Variants in SIK3 observed in about 807,000 individuals in gnomAD.
SIK3 encodes SIK family kinase 3, also known as serine/threonine-protein kinase SIK3.
Under a neutral mutation model 144.2 loss-of-function variants are expected in SIK3, and 28 were observed. The ratio of observed to expected loss-of-function variants is 0.19; its 90% CI spans 0.14 to 0.27. The LOEUF is 0.27. Ranked by LOEUF, SIK3 falls within the 10% of genes least tolerant of loss-of-function variation. SIK3 has a pLI of 1.00. For synonymous variants in SIK3, 686 were observed against 676.3 expected, an observed-to-expected ratio of 1.01 and a Z score of -0.22; for missense variants, 1,319 against 1,776.0, an observed-to-expected ratio of 0.74 and a Z score of 4.62.
chr11:117,056,410 GAT>G (rs1953523109), intron 1 of SIK3, among the ~76,000 whole-genome samples: 1 of 152,000 alleles, frequency 6.6e-6, no homozygotes, highest in South Asian at 2.1e-4. Flanking sequence ...AGCATTAGGA[GAT>G]ATACCTTATG....
chr11:117,008,324 T>C (rs1343828732), intron 1 of SIK3, among the ~76,000 whole-genome samples: 1 of 152,134 alleles, frequency 6.6e-6, no homozygotes, highest in Non-Finnish European at 1.5e-5. Flanking sequence ...TTCCATTTCA[T>C]AGCTGGGGAA....
intron 3 of SIK3, among the ~76,000 whole-genome samples, chr11:116,942,997 T>C (rs1948394959): frequency 6.6e-6 from 1 of 152,148 alleles, no homozygotes; most frequent in Non-Finnish European, 1.5e-5. Flanking sequence ...CAAGACATGA[T>C]GGTGGCTTAG....
intron 1 of SIK3, among the ~76,000 whole-genome samples, chr11:117,008,281 C>T (rs989748499): frequency 2.6e-5 from 4 of 152,048 alleles, no homozygotes; most frequent in Non-Finnish European, 4.4e-5. Context: ...CTGATTTAAT[C>T]CCCACAAGAA....
At chr11:117,095,729 C>G (rs535883191) in intron 1 of SIK3, among the ~76,000 whole-genome samples, 67 of 152,326 alleles carry the variant, frequency 4.4e-4, no homozygotes, top group African/African-American at 1.5e-3. Context: ...GTGACAACTC[C>G]TTGTGAATTA....
intron 1 of SIK3, among the ~76,000 whole-genome samples, chr11:117,076,248 G>A (rs1259229013): frequency 6.6e-6 from 1 of 152,046 alleles, no homozygotes; most frequent in Non-Finnish European, 1.5e-5. Flanking sequence ...GGCCTGTTGA[G>A]GATCCATTCC....
At chr11:116,853,461 G>A (rs1013540314) in intron 21 of SIK3, among the ~76,000 whole-genome samples, 4 of 152,176 alleles carry the variant, frequency 2.6e-5, no homozygotes, top group Admixed American at 6.5e-5. Flanking sequence ...ATGATCGTCC[G>A]ATCACACAAG....
intron 1 of SIK3, among the ~76,000 whole-genome samples, chr11:116,999,435 A>G (rs1167138016): frequency 6.6e-6 from 1 of 152,248 alleles, no homozygotes; most frequent in Admixed American, 6.5e-5. Context: ...CAGGGCAATC[A>G]TCAATGACAA....
At chr11:116,859,992 A>G (rs894650143) in intron 19 of SIK3, among the ~76,000 whole-genome samples, 1 of 152,200 alleles carries the variant, frequency 6.6e-6, no homozygotes, top group Non-Finnish European at 1.5e-5. Flanking sequence ...TCACACCTGT[A>G]ATCCCAGCAC....
At chr11:117,062,190 A>C (rs1953825633) in intron 1 of SIK3, among the ~76,000 whole-genome samples, 1 of 151,978 alleles carries the variant, frequency 6.6e-6, no homozygotes, top group Non-Finnish European at 1.5e-5. Context: ...CCAGGCGTGA[A>C]CTCCACTGTG....
intron 6 of SIK3, among the ~76,000 whole-genome samples, chr11:116,885,455 C>T (rs1944762835): frequency 6.6e-6 from 1 of 152,104 alleles, no homozygotes. Flanking sequence ...GAAATCCTGG[C>T]CTAAAGGGTA....
intron 1 of SIK3, among the ~76,000 whole-genome samples, chr11:117,030,468 G>T (rs1952209841): frequency 6.6e-6 from 1 of 152,076 alleles, no homozygotes; most frequent in Admixed American, 6.6e-5. Context: ...AAATACTCAT[G>T]ATATTGAGTA....
intron 4 of SIK3, among the ~76,000 whole-genome samples, chr11:116,906,416 G>T (rs1489199997): frequency 6.6e-6 from 1 of 152,122 alleles, no homozygotes. Flanking sequence ...CTGAGAAACT[G>T]AATTATAGTA....
chr11:116,946,894 T>C (rs1341296936), intron 3 of SIK3, among the ~76,000 whole-genome samples: 1 of 151,822 alleles, frequency 6.6e-6, no homozygotes, highest in African/African-American at 2.4e-5. Flanking sequence ...GGCGGGCAGA[T>C]CACAAGGTCA....
intron 1 of SIK3, among the ~76,000 whole-genome samples, chr11:117,060,504 G>A (rs1953744889): frequency 1.3e-5 from 2 of 152,028 alleles, no homozygotes; most frequent in Middle Eastern, 3.4e-3. Context: ...GGCTGAGGGA[G>A]GAGAATCGCT....
intron 1 of SIK3, among the ~76,000 whole-genome samples, chr11:116,993,381 G>A (rs917013013): frequency 6.6e-6 from 1 of 151,800 alleles, no homozygotes; most frequent in Non-Finnish European, 1.5e-5. Context: ...GGAATTCCTG[G>A]TTTAAATGGA....
intron 1 of SIK3, among the ~76,000 whole-genome samples, chr11:117,035,299 T>C (rs1952445908): frequency 6.6e-6 from 1 of 152,194 alleles, no homozygotes. Context: ...GCAGATAATA[T>C]GTTCTAAAAT....
At chr11:116,932,699 A>G (rs1240176376) in intron 3 of SIK3, among the ~76,000 whole-genome samples, 1 of 152,190 alleles carries the variant, frequency 6.6e-6, no homozygotes, top group African/African-American at 2.4e-5. Flanking sequence ...ACTCCTAGAA[A>G]CCACTAATCT....
intron 1 of SIK3, chr11:117,035,699 T>G: frequency 1.2e-6 from 1 of 816,502 alleles, no homozygotes; most frequent in South Asian, 1.6e-5. Flanking sequence ...GGACTACAGG[T>G]GCATGCCACC....
intron 1 of SIK3, among the ~76,000 whole-genome samples, chr11:117,087,191 C>A (rs6589592): frequency 6.6e-6 from 1 of 151,878 alleles, no homozygotes; most frequent in Non-Finnish European, 1.5e-5. Context: ...TGTAATACCA[C>A]CACTCTGAGA....
Sources: gnomAD v4.1 joint callset for allele counts (sites outside exome capture counted in the v4.1 genomes callset) on GRCh38, gnomAD v4.1.1 for gene constraint, MANE v1.5 for transcripts, NCBI Gene and HGNC (gene_info 2026-07-23, HGNC 2026-07-21) for gene names.